PTCHD4: variants seen among roughly 807,000 people sequenced by gnomAD.
PTCHD4 encodes patched domain containing 4.
Under a neutral mutation model 58.1 loss-of-function variants are expected in PTCHD4, and 33 were observed. The ratio of observed to expected loss-of-function variants is 0.57; its 90% CI spans 0.43 to 0.76. The LOEUF is 0.76. Among genes scored for constraint, PTCHD4 ranks in the 30% least tolerant of loss-of-function variants. The pLI is 0.00. For missense variants in PTCHD4, 1,058 were observed against 1,027.1 expected (o/e 1.03, Z -0.41); for synonymous variants, 478 against 409.6 (o/e 1.17, Z -2.02).
chr6:47,953,204 CA>C (rs201988172), intron 4 of PTCHD4, among the ~76,000 whole-genome samples: 1,870 of 151,970 alleles, frequency 0.012, 35 homozygotes, highest in African/African-American at 0.04. Flanking sequence ...CACTTGTATG[CA>C]AAAAAGTGTG....
chr6:48,044,050 G>A (rs879738661), intron 3 of PTCHD4, among the ~76,000 whole-genome samples: 2 of 151,870 alleles, frequency 1.3e-5, no homozygotes, highest in Non-Finnish European at 2.9e-5. Context: ...AGGACCCAGT[G>A]AAATTCTTAT....
At chr6:48,089,049 A>T (rs1765315365) in intron 1 of PTCHD4, among the ~76,000 whole-genome samples, 2 of 152,106 alleles carry the variant, frequency 1.3e-5, no homozygotes, top group African/African-American at 4.8e-5. Context: ...TCCATCTCAA[A>T]ACAAATAAAT....
intron 4 of PTCHD4, among the ~76,000 whole-genome samples, chr6:47,915,371 C>G (rs1765211600): frequency 6.6e-6 from 1 of 152,082 alleles, no homozygotes; most frequent in African/African-American, 2.4e-5. Flanking sequence ...AAGTTTATGA[C>G]AAATTATAAG....
chr6:48,108,886 A>C (rs1422847350), intron 1 of PTCHD4, among the ~76,000 whole-genome samples: 1 of 152,004 alleles, frequency 6.6e-6, no homozygotes, highest in East Asian at 1.9e-4. Context: ...AATGCTAGCA[A>C]GTCTGATTAA....
chr6:48,108,264 T>C (rs1321399839), intron 1 of PTCHD4, among the ~76,000 whole-genome samples: 3 of 152,146 alleles, frequency 2.0e-5, no homozygotes, highest in Admixed American at 1.3e-4. Context: ...TGGAATACTA[T>C]GCAGCCATAA....
chr6:47,885,579 G>A (rs1031347489), intron 4 of PTCHD4, among the ~76,000 whole-genome samples: 4 of 152,202 alleles, frequency 2.6e-5, no homozygotes, highest in Admixed American at 2.6e-4. Context: ...AGTCCTCAGT[G>A]AGGTGGGGAG....
intron 3 of PTCHD4, among the ~76,000 whole-genome samples, chr6:48,050,814 C>A (rs1024574930): frequency 1.3e-5 from 2 of 151,916 alleles, no homozygotes; most frequent in Non-Finnish European, 2.9e-5. Context: ...TTAAAGGAAA[C>A]AAAATACAGA....
At chr6:47,945,938 C>T (rs1581916384) in intron 4 of PTCHD4, among the ~76,000 whole-genome samples, 1 of 151,674 alleles carries the variant, frequency 6.6e-6, no homozygotes, top group Admixed American at 6.6e-5. Flanking sequence ...TTTTGTTATT[C>T]AATAATATAT....
chr6:47,943,924 C>T (rs1018937759), intron 4 of PTCHD4, among the ~76,000 whole-genome samples: 4 of 151,938 alleles, frequency 2.6e-5, no homozygotes, highest in Non-Finnish European at 1.5e-5. Flanking sequence ...TAAATATTTT[C>T]TATAAATTTC....
At chr6:47,919,067 C>G (rs1361464078) in intron 4 of PTCHD4, among the ~76,000 whole-genome samples, 1 of 151,976 alleles carries the variant, frequency 6.6e-6, no homozygotes, top group African/African-American at 2.4e-5. Flanking sequence ...GTATAACAGC[C>G]CTGGACTGCT....
At chr6:48,064,696 G>C (rs1405354370) in intron 3 of PTCHD4, among the ~76,000 whole-genome samples, 1 of 152,142 alleles carries the variant, frequency 6.6e-6, no homozygotes, top group Non-Finnish European at 1.5e-5. Flanking sequence ...GTATAAGTGT[G>C]CAAATTAATC....
At chr6:48,062,675 G>C (rs1267770185) in intron 3 of PTCHD4, among the ~76,000 whole-genome samples, 2 of 152,096 alleles carry the variant, frequency 1.3e-5, no homozygotes, top group African/African-American at 4.8e-5. Flanking sequence ...CAATAGGATG[G>C]CCAGGAAAAA....
chr6:47,955,156 A>T (rs1185091088), intron 4 of PTCHD4, among the ~76,000 whole-genome samples: 4 of 152,234 alleles, frequency 2.6e-5, no homozygotes, highest in African/African-American at 9.6e-5. Flanking sequence ...GTTTTAAGCC[A>T]CTAAGTTTTG....
At chr6:48,065,308 T>C (rs1393822317) in intron 3 of PTCHD4, among the ~76,000 whole-genome samples, 1 of 152,218 alleles carries the variant, frequency 6.6e-6, no homozygotes, top group Non-Finnish European at 1.5e-5. Context: ...TTTCCTAATT[T>C]TCTGCCTTCC....
intron 3 of PTCHD4, among the ~76,000 whole-genome samples, chr6:48,017,243 A>G (rs184358574): frequency 2.6e-5 from 4 of 152,290 alleles, no homozygotes; most frequent in African/African-American, 9.6e-5. Context: ...CCAGAACTTC[A>G]TATTTAGTAG....
Position 48,069,692 on chromosome 6 carries a change from T to C in PTCHD4, c.-735A>G, listed in dbSNP as rs1303687776. Among the ~76,000 whole-genome samples, 1 of 152,050 alleles carries C rather than the reference T, an allele frequency of 6.6e-6. No homozygotes were observed. Among genetic ancestry groups the C allele is most frequent in the Non-Finnish European group, 1.5e-5 (1 of 68,004 alleles). On this transcript the variant is annotated 5_prime_UTR_variant, in exon 2 of 5. Transcript: ENST00000339488. ...CGTGTGCGTGTGCGTGTGTGTGTAT[T>C]GAAAGTGAAGATCTACAGGCAATAT... is the stretch of plus-strand genomic sequence containing the variant.
chr6:47,934,119 G>C (rs769950710), intron 4 of PTCHD4, among the ~76,000 whole-genome samples: 1 of 152,076 alleles, frequency 6.6e-6, no homozygotes, highest in Non-Finnish European at 1.5e-5. Flanking sequence ...GGTGGGAGGG[G>C]GTCCCAGGCG....
intron 3 of PTCHD4, among the ~76,000 whole-genome samples, chr6:48,016,580 G>C (rs921320279): frequency 6.6e-6 from 1 of 151,890 alleles, no homozygotes; most frequent in Admixed American, 6.6e-5. Flanking sequence ...GCTATCTCAC[G>C]GCCATAAATC....
At chr6:47,898,840 GAGA>G (rs543425709) in intron 4 of PTCHD4, among the ~76,000 whole-genome samples, 167 of 152,302 alleles carry the variant, frequency 1.1e-3, no homozygotes, top group African/African-American at 3.5e-3. Context: ...GAAGAAAAGA[GAGA>G]AGAAGAAGAG....
Sources: allele counts gnomAD v4.1 joint callset (sites outside exome capture counted in the v4.1 genomes callset), GRCh38; gene constraint gnomAD v4.1.1; transcripts MANE v1.5; gene names NCBI Gene and HGNC (gene_info 2026-07-23, HGNC 2026-07-21).